Variants in ART3 observed in about 807,000 individuals in gnomAD.
The protein encoded by ART3 is ADP-ribosyltransferase 3 (inactive), also known as ecto-ADP-ribosyltransferase 3.
A neutral mutation model predicts 48.5 loss-of-function variants in ART3; 49 were observed. The observed-to-expected ratio is 1.01, with a 90% CI of 0.80 to 1.28. The LOEUF (loss-of-function observed/expected upper bound fraction) is 1.28, where lower values mean the gene tolerates loss of function less well. Among genes scored for constraint, ART3 ranks in the 50% most tolerant of loss-of-function variants. The pLI, the probability that ART3 is intolerant of heterozygous loss-of-function variation, is 0.00. For missense variants in ART3, 438 were observed against 454.3 expected, an observed-to-expected ratio of 0.96 and a Z score of 0.33; for synonymous variants, 145 against 157.2, an observed-to-expected ratio of 0.92 and a Z score of 0.58.
chr4:76,038,058 A>T (rs1362799998), intron 1 of ART3, among the ~76,000 whole-genome samples: 1 of 118,172 alleles, frequency 8.5e-6, no homozygotes, highest in African/African-American at 3.5e-5. Flanking sequence ...AAATTCTAGA[A>T]ATAATTCATA....
chr4:76,049,758 G>A (rs1735867066), intron 1 of ART3, among the ~76,000 whole-genome samples: 1 of 152,006 alleles, frequency 6.6e-6, no homozygotes, highest in African/African-American at 2.4e-5. Context: ...TTACCGCTCG[G>A]CGATAGGCGA....
At chr4:76,035,324 C>CT in intron 1 of ART3, 2 of 1,613,992 alleles carry the variant, frequency 1.2e-6, no homozygotes, top group Non-Finnish European at 1.7e-6. Flanking sequence ...ACAGCGTCCT[C>CT]TTTTGAACAT....
At chr4:76,051,898 CT>C (rs1184736763) in intron 1 of ART3, among the ~76,000 whole-genome samples, 2,930 of 81,786 alleles carry the variant, frequency 0.036, 31 homozygotes, top group Middle Eastern at 0.05. Flanking sequence ...CTCTCTCTCT[CT>C]TTTTTTTTTT....
intron 1 of ART3, among the ~76,000 whole-genome samples, chr4:76,020,067 G>A (rs1732639205): frequency 6.6e-6 from 1 of 151,788 alleles, no homozygotes; most frequent in South Asian, 2.1e-4. Context: ...TGTATGTTAG[G>A]GGCTTATGCT....
rs35118697 is a variant in ART3 at position 76,100,989 on chromosome 4, G to C, written c.908-1G>C. 5 of 1,613,354 alleles carry C rather than the reference G, an allele frequency of 3.1e-6. No homozygotes were observed. The East Asian group carries it at 1.1e-4, about 36-fold the overall frequency. On this transcript the variant is annotated splice_acceptor_variant, in intron 7 of 11. Coordinates refer to ENST00000355810, the MANE Select transcript of ART3 (RefSeq NM_001130016.3). LOFTEE classifies it high-confidence loss of function. ...CTGATAAGCTTCTTTTTGTAACTCAGGTGAGAAAAACCAGAAGCTTGAAGA... is the reference window on the plus strand; with the variant it reads ...CTGATAAGCTTCTTTTTGTAACTCACGTGAGAAAAACCAGAAGCTTGAAGA...
At chr4:76,080,581 G>A (rs1722236961) in intron 2 of ART3, among the ~76,000 whole-genome samples, 3 of 151,938 alleles carry the variant, frequency 2.0e-5, no homozygotes, top group Non-Finnish European at 2.9e-5. Flanking sequence ...TGCAGTCTCC[G>A]CTCCCTGCAA....
chr4:76,082,625 T>A lies in ART3; in HGVS notation c.781+90T>A. 3.8e-6 allele frequency: 4 copies of A among 1,044,490 alleles called. No homozygotes were observed. The Admixed American group carries it at 9.8e-5, about 26-fold the overall frequency. The allele number at this position is 1,044,490 out of a possible 1,614,324, so 64.7% of individuals were successfully genotyped here. Reference sequence around the variant, plus strand: ...AGGTCAGTGAAAGGAGAGTGAGAGGTGTTTGAAAGGTGAAATGACATTCCG... The same window carrying A: ...AGGTCAGTGAAAGGAGAGTGAGAGGAGTTTGAAAGGTGAAATGACATTCCG... On this transcript the variant is annotated intron_variant, in intron 3 of 11. Coordinates refer to ENST00000355810, the MANE Select transcript of ART3 (RefSeq NM_001130016.3).
At chr4:76,075,161 G>GT (rs1560614691) in intron 1 of ART3, 1 of 152,162 alleles carries the variant, frequency 6.6e-6, no homozygotes, top group Non-Finnish European at 1.5e-5. Context: ...CTTCATTTGA[G>GT]TTACATTATC....
chr4:76,031,752 A>G (rs555471420), intron 1 of ART3, among the ~76,000 whole-genome samples: 5 of 152,208 alleles, frequency 3.3e-5, no homozygotes, highest in Non-Finnish European at 7.3e-5. Flanking sequence ...ATAGGGTCTG[A>G]TATGCACCAG....
rs1377388461 is a variant in ART3, at chr4:76,016,834, G to A, written c.-10+5514G>A. 3.3e-5 allele frequency among the ~76,000 whole-genome samples: 5 copies of A among 152,262 alleles called. No homozygotes were observed. In the East Asian group the frequency reaches 9.6e-4, roughly 29 times the overall value. On this transcript the variant is annotated intron_variant, in intron 1 of 9. Coordinates refer to the ART3 transcript ENST00000341029. Reference sequence around the variant, plus strand: ...CCCTCCCCTTTCCAGAGGCAGAGGAGCCTTTTACTCATGCCCATCACCACA... The same window carrying A: ...CCCTCCCCTTTCCAGAGGCAGAGGAACCTTTTACTCATGCCCATCACCACA...
chr4:76,040,458 A>G (rs887395798), intron 1 of ART3, among the ~76,000 whole-genome samples: 28 of 151,370 alleles, frequency 1.8e-4, no homozygotes, highest in African/African-American at 6.3e-4. Flanking sequence ...ACACACACAC[A>G]CACACACACA....
chr4:76,095,070 A>C (rs1725704299), intron 3 of ART3, among the ~76,000 whole-genome samples: 1 of 152,164 alleles, frequency 6.6e-6, no homozygotes, highest in South Asian at 2.1e-4. Context: ...TTTCTGGACC[A>C]ATTCTCTTAT....
intron 1 of ART3, among the ~76,000 whole-genome samples, chr4:76,065,855 T>TA (rs1370256284): frequency 6.6e-6 from 1 of 152,112 alleles, no homozygotes; most frequent in African/African-American, 2.4e-5. Context: ...ACTAAATAGA[T>TA]ATATGTTTCA....
chr4:76,087,549 A>G (rs1723874580), intron 3 of ART3, among the ~76,000 whole-genome samples: 1 of 152,148 alleles, frequency 6.6e-6, no homozygotes, highest in Admixed American at 6.6e-5. Flanking sequence ...AAAAAAAGAC[A>G]ATGTTTCTAA....
chr4:76,024,102 C>A (rs982410411), intron 1 of ART3, among the ~76,000 whole-genome samples: 1 of 152,158 alleles, frequency 6.6e-6, no homozygotes, highest in Non-Finnish European at 1.5e-5. Flanking sequence ...TCCAACATAA[C>A]TATTTTGAGG....
intron 3 of ART3, among the ~76,000 whole-genome samples, chr4:76,091,004 A>G (rs533641660): frequency 1.3e-5 from 2 of 152,262 alleles, no homozygotes; most frequent in East Asian, 3.9e-4. Flanking sequence ...ATCTTATCAT[A>G]CAGTATATTC....
At chr4:76,110,855 AAAGT>A (rs898290238) in intron 11 of ART3, among the ~76,000 whole-genome samples, 6 of 152,120 alleles carry the variant, frequency 3.9e-5, no homozygotes, top group African/African-American at 1.2e-4. Flanking sequence ...ATATAAAAAG[AAAGT>A]ATGTCATGAA....
At position 76,099,152 on chromosome 4, in the gene ART3, C is replaced by T. The variant is rs761946641; in HGVS notation, c.847+165C>T. The stretch of plus-strand genomic sequence containing the variant: ...CCCCATCTCTACAAAAAATACAAAA[C>T]TTAGCCAGGCATGGTGGTGTGCACC... On this transcript the variant is annotated intron_variant, in intron 5 of 11. Transcript: ENST00000355810. 1.5e-4 allele frequency: 96 copies of T among 630,792 alleles called. No homozygotes were observed. In the African/African-American group the frequency reaches 1.7e-3, roughly 11 times the overall value. 39.1% of individuals were successfully genotyped at this position (630,792 alleles called of 1,614,324 possible). A position where few individuals can be genotyped will look rare whatever the true frequency, so the allele number is the denominator to read the frequency against.
intron 1 of ART3, among the ~76,000 whole-genome samples, chr4:76,013,786 T>G (rs779703209): frequency 6.6e-6 from 1 of 152,226 alleles, no homozygotes; most frequent in South Asian, 2.1e-4. Flanking sequence ...TGTTTCACAA[T>G]CCTCTTGTCA....
Sources: allele counts gnomAD v4.1 joint callset (sites outside exome capture counted in the v4.1 genomes callset), GRCh38; gene constraint gnomAD v4.1.1; transcripts MANE v1.5; gene names NCBI Gene and HGNC (gene_info 2026-07-23, HGNC 2026-07-21).